FBLN2: variants seen among roughly 807,000 people sequenced by gnomAD.
FBLN2 encodes fibulin-2.
In FBLN2, 81 loss-of-function variants were observed where a neutral mutation model predicts 123.7. That is an observed-to-expected ratio of 0.65 (90% CI 0.55 to 0.79). The LOEUF is 0.79. FBLN2 is among the 30% of genes least tolerant of loss of function. FBLN2 has a pLI of 0.00. For synonymous variants in FBLN2, 699 were observed against 701.4 expected, an observed-to-expected ratio of 1.00 and a Z score of 0.05; for missense variants, 1,603 against 1,681.3, an observed-to-expected ratio of 0.95 and a Z score of 0.81.
At chr3:13,615,036 G>A (rs993869786) in intron 5 of FBLN2, among the ~76,000 whole-genome samples, 4 of 151,122 alleles carry the variant, frequency 2.6e-5, no homozygotes, top group African/African-American at 4.9e-5. Context: ...ATCCATCCTC[G>A]TTGTCCTTGG....
At chr3:13,552,392 C>T (rs1381762293) in intron 1 of FBLN2, among the ~76,000 whole-genome samples, 1 of 151,832 alleles carries the variant, frequency 6.6e-6, no homozygotes, top group African/African-American at 2.4e-5. Context: ...AGGGTGAGGC[C>T]GGCTGTCCTG....
At chr3:13,630,670 G>T (rs748522394) in intron 14 of FBLN2, 29 bp from the exon 15 acceptor site, 1 of 1,548,242 alleles carries the variant, frequency 6.5e-7, no homozygotes, top group Non-Finnish European at 8.8e-7. Flanking sequence ...CTTGGGCCCT[G>T]CCATGACTGC....
chr3:13,630,673 A>C, intron 14 of FBLN2, 26 bp from the exon 15 acceptor site: 1 of 1,560,698 alleles, frequency 6.4e-7, no homozygotes. Context: ...GGGCCCTGCC[A>C]TGACTGCCTG....
chr3:13,617,584 C>T lies in FBLN2; in HGVS notation c.1730-492C>T, dbSNP rs925740143. 2.1e-3 allele frequency among the ~76,000 whole-genome samples: 184 copies of T among 89,320 alleles called. 2 individuals are homozygous for T. Among genetic ancestry groups the T allele is most frequent in the Non-Finnish European group, 1.7e-3 (81 of 47,532 alleles). 58.6% of individuals were successfully genotyped at this position (89,320 alleles called of 152,430 possible). A position where few individuals can be genotyped will look rare whatever the true frequency, so the allele number is the denominator to read the frequency against. ...TCCAGTTACAACCCATCCACCCATC[C>T]ATCCATCCATCCATCCATCCATCCA... On this transcript the variant is annotated intron_variant, in intron 5 of 17. Coordinates refer to ENST00000404922, the MANE Select transcript of FBLN2 (RefSeq NM_001004019.2).
At chr3:13,634,271 G>T (rs1706374436) in intron 16 of FBLN2, among the ~76,000 whole-genome samples, 1 of 152,250 alleles carries the variant, frequency 6.6e-6, no homozygotes, top group African/African-American at 2.4e-5. Context: ...GGCTGTGATG[G>T]CAGCCCTGGA....
intron 1 of FBLN2, among the ~76,000 whole-genome samples, chr3:13,560,168 G>A (rs555743190): frequency 2.6e-5 from 4 of 152,336 alleles, no homozygotes; most frequent in African/African-American, 9.6e-5. Flanking sequence ...TTGGTAATGA[G>A]ATTAGTGATT....
chr3:13,558,635 A>C (rs1574941897), intron 1 of FBLN2, among the ~76,000 whole-genome samples: 11 of 149,424 alleles, frequency 7.4e-5, no homozygotes, highest in South Asian at 2.2e-4. Flanking sequence ...ACCCCTCTCC[A>C]CTCACCCACC....
intron 1 of FBLN2, among the ~76,000 whole-genome samples, chr3:13,562,411 C>A (rs891194495): frequency 2.6e-4 from 38 of 146,734 alleles, no homozygotes; most frequent in Non-Finnish European, 5.2e-4. Context: ...GGCTGGAGTG[C>A]AGTGGAGCGA....
At chr3:13,592,627 C>G (rs1704713517) in intron 2 of FBLN2, among the ~76,000 whole-genome samples, 1 of 152,084 alleles carries the variant, frequency 6.6e-6, no homozygotes, top group Non-Finnish European at 1.5e-5. Flanking sequence ...TGATATATCC[C>G]CCTATTTATT....
Position 13,637,781 on chromosome 3 carries a change from G to A in FBLN2, c.3558G>A (p.Thr1186=), listed in dbSNP as rs201456985. The stretch of plus-strand genomic sequence containing the variant: ...GCACGCGCAGGCTCAATGCCTACAC[G>A]GGTGTGGTCTACCTGCAGCGGGCCG... ...YFGTRRLNAY[T]GVVYLQRAVL... The change falls in exon 18 of 18, where the codon ACG becomes ACA. Residue 1186 remains threonine, a synonymous_variant. Coordinates refer to ENST00000404922, the MANE Select transcript of FBLN2 (RefSeq NM_001004019.2). 163 of 1,613,796 alleles carry A rather than the reference G, an allele frequency of 1.0e-4. No individual in the cohort carries two copies. Among genetic ancestry groups the A allele is most frequent in the Non-Finnish European group, 1.3e-4 (152 of 1,179,832 alleles).
At chr3:13,551,809 G>C (rs1703330623) in intron 1 of FBLN2, among the ~76,000 whole-genome samples, 1 of 151,538 alleles carries the variant, frequency 6.6e-6, no homozygotes, top group South Asian at 2.1e-4. Flanking sequence ...CAAAGTGCTG[G>C]GATTACAGGT....
At chr3:13,598,006 G>A (rs1704902596) in intron 2 of FBLN2, among the ~76,000 whole-genome samples, 1 of 152,204 alleles carries the variant, frequency 6.6e-6, no homozygotes, top group South Asian at 2.1e-4. Context: ...GGTGGGGAAG[G>A]CATTGCTCCC....
rs111929034 is a variant in FBLN2, at chr3:13,638,091, C to T, written c.*172C>T. 3,088 of 702,484 alleles carry T rather than the reference C, an allele frequency of 4.4e-3. 71 individuals are homozygous for T. The African/African-American group carries it at 0.051, about 11-fold the overall frequency. 43.5% of individuals were successfully genotyped at this position (702,484 alleles called of 1,614,324 possible). ...CTCTGCCCCGCAGGAGGAAGTTCCA[C>T]GGCAGGTGGTGCGTTCCCACGCAGG... is the stretch of plus-strand genomic sequence containing the variant. On this transcript the variant is annotated 3_prime_UTR_variant, in exon 18 of 18. Coordinates refer to ENST00000404922, the MANE Select transcript of FBLN2 (RefSeq NM_001004019.2).
In FBLN2 at chr3:13,549,145, C is replaced by A. The variant is rs1174794904; in HGVS notation, c.-105C>A. ...CGCGCGCACACAGCCAGGGGCCGCC[C>A]GGGCTCTCGACGCGCCGACGGCCGG... On this transcript the variant is annotated 5_prime_UTR_variant, in exon 1 of 18. Coordinates refer to ENST00000404922, the MANE Select transcript of FBLN2 (RefSeq NM_001004019.2). The A allele has an allele frequency of 1.0e-6, 1 of 982,824 alleles. No homozygotes were observed. 60.9% of individuals were successfully genotyped at this position (982,824 alleles called of 1,614,324 possible). A position where few individuals can be genotyped will look rare whatever the true frequency, so the allele number is the denominator to read the frequency against.
intron 2 of FBLN2, among the ~76,000 whole-genome samples, chr3:13,582,723 G>C (rs913057577): frequency 6.6e-6 from 1 of 152,244 alleles, no homozygotes; most frequent in African/African-American, 2.4e-5. Context: ...TTAGTCTCAG[G>C]ATTACTGAGA....
chr3:13,634,171 A>C (rs1706369488), intron 16 of FBLN2, among the ~76,000 whole-genome samples: 1 of 152,084 alleles, frequency 6.6e-6, no homozygotes, highest in Admixed American at 6.5e-5. Flanking sequence ...CCGGGGCTGA[A>C]TTTTGCAGGA....
At chr3:13,628,667 T>C (rs1706134046) in intron 11 of FBLN2, among the ~76,000 whole-genome samples, 1 of 152,100 alleles carries the variant, frequency 6.6e-6, no homozygotes, top group South Asian at 2.1e-4. Flanking sequence ...CCGCCCTGCC[T>C]CCAGCTGCTC....
At chr3:13,632,553 T>C (rs1706291944) in intron 16 of FBLN2, among the ~76,000 whole-genome samples, 2 of 152,238 alleles carry the variant, frequency 1.3e-5, no homozygotes, top group African/African-American at 4.8e-5. Flanking sequence ...CAGCTGCCTG[T>C]GTTCTCCTTT....
At position 13,638,008 on chromosome 3, in the gene FBLN2, T is replaced by A; in HGVS notation, c.*89T>A. 1 of 1,209,130 alleles carries A rather than the reference T, an allele frequency of 8.3e-7. No individual in the cohort carries two copies. The highest frequency in any genetic ancestry group is 1.2e-6 in the Non-Finnish European group (1 of 855,670). The allele number at this position is 1,209,130 out of a possible 1,614,324, so 74.9% of individuals were successfully genotyped here. A position where few individuals can be genotyped will look rare whatever the true frequency, so the allele number is the denominator to read the frequency against. On this transcript the variant is annotated 3_prime_UTR_variant, in exon 18 of 18. Coordinates refer to ENST00000404922, the MANE Select transcript of FBLN2 (RefSeq NM_001004019.2). ...TGGGTCACTATTGTGGTTTTTACTA[T>A]AACTTTGTAAATTAACTTAATTTTG...
Sources: gnomAD v4.1 joint callset for allele counts (sites outside exome capture counted in the v4.1 genomes callset) on GRCh38, gnomAD v4.1.1 for gene constraint, MANE v1.5 for transcripts, NCBI Gene and HGNC (gene_info 2026-07-23, HGNC 2026-07-21) for gene names.